Variants in MPDZ observed in about 807,000 individuals in gnomAD.
The protein encoded by MPDZ is multiple PDZ domain crumbs cell polarity complex component.
MPDZ carries 234 observed loss-of-function variants against 239.1 expected under a neutral mutation model. The ratio of observed to expected loss-of-function variants is 0.98; its 90% CI spans 0.88 to 1.09. The LOEUF is 1.09. Ranked by LOEUF, MPDZ falls within the 50% of genes least tolerant of loss-of-function variation. The pLI is 0.00. For synonymous variants in MPDZ, 1,048 were observed against 881.3 expected (o/e 1.19, Z -3.35); for missense variants, 3,175 against 2,510.0 (o/e 1.26, Z -5.66).
chr9:13,147,221 C>A (rs1251315725), intron 26 of MPDZ, among the ~76,000 whole-genome samples: 2 of 151,940 alleles, frequency 1.3e-5, no homozygotes, highest in African/African-American at 4.8e-5. Flanking sequence ...AGATGATTAA[C>A]CTGAATTATG....
At chr9:13,216,450 G>A (rs1030068632) in intron 10 of MPDZ, among the ~76,000 whole-genome samples, 1 of 149,342 alleles carries the variant, frequency 6.7e-6, no homozygotes, top group Non-Finnish European at 1.5e-5. Flanking sequence ...CTGGACATCT[G>A]GTCTCTACCT....
At chr9:13,125,650 T>A (rs755103633) in intron 34 of MPDZ, among the ~76,000 whole-genome samples, 1 of 152,176 alleles carries the variant, frequency 6.6e-6, no homozygotes, top group Non-Finnish European at 1.5e-5. Flanking sequence ...TTTTCTTATA[T>A]AAGACTTTCA....
At chr9:13,181,205 G>C (rs769914876) in intron 19 of MPDZ, among the ~76,000 whole-genome samples, 25 of 152,130 alleles carry the variant, frequency 1.6e-4, no homozygotes, top group Non-Finnish European at 3.4e-4. Flanking sequence ...TTCAAATCAA[G>C]ATAGAGGCAT....
At chr9:13,170,783 G>A (rs977326401) in intron 21 of MPDZ, among the ~76,000 whole-genome samples, 1 of 152,234 alleles carries the variant, frequency 6.6e-6, no homozygotes, top group South Asian at 2.1e-4. Context: ...CAGCTATTAA[G>A]GCTGTCAGGT....
intron 12 of MPDZ, among the ~76,000 whole-genome samples, chr9:13,200,468 GGGTTT>G (rs946845294): frequency 6.6e-6 from 1 of 151,510 alleles, no homozygotes; most frequent in Non-Finnish European, 1.5e-5. Flanking sequence ...CTGCTCCTTC[GGGTTT>G]GGTTTGTTCT....
At chr9:13,221,231 C>T (rs1445346117) in intron 7 of MPDZ, 141 bp downstream of exon 7, 8 of 819,706 alleles carry the variant, frequency 9.8e-6, no homozygotes, top group Non-Finnish European at 1.2e-5. Context: ...ATTTTAGGGA[C>T]ACTCAATAAA....
chr9:13,108,869 G>A, intron 46 of MPDZ, 67 bp downstream of exon 46: 1 of 1,527,042 alleles, frequency 6.5e-7, no homozygotes, highest in Non-Finnish European at 8.9e-7. Context: ...AAACTAATAA[G>A]CCAGCTGCTG....
At chr9:13,109,611 G>C (rs1239016192) in intron 45 of MPDZ, among the ~76,000 whole-genome samples, 1 of 152,102 alleles carries the variant, frequency 6.6e-6, no homozygotes, top group East Asian at 1.9e-4. Flanking sequence ...GGCAGTGCGG[G>C]AAATTTTAAA....
intron 12 of MPDZ, among the ~76,000 whole-genome samples, chr9:13,204,120 AAAC>A (rs1956725321): frequency 1.3e-5 from 2 of 152,294 alleles, no homozygotes; most frequent in South Asian, 4.1e-4. Context: ...ATATGTTAAA[AAAC>A]AACAAAGCTT....
chr9:13,112,074 T>C lies in MPDZ; in HGVS notation c.5674A>G (p.Ile1892Val). ...ACTCCAGTTGGGTGCATCATTGCAA[T>C]AAATATAGGCACATCACCAAGTGGG... ...GSPLGDVPIFIAMMHPTGVAA... is the reference protein window; with the variant it reads ...GSPLGDVPIFVAMMHPTGVAA... Residue 1892 changes from isoleucine (I) to valine (V), a missense_variant, in exon 43 of 47, where the codon ATT (isoleucine) becomes GTT (valine). Coordinates refer to ENST00000319217, the MANE Select transcript of MPDZ (RefSeq NM_001378778.1). 1 of 1,613,724 alleles carries C rather than the reference T, an allele frequency of 6.2e-7. No individual in the cohort carries two copies. Among genetic ancestry groups the C allele is most frequent in the Non-Finnish European group, 8.5e-7 (1 of 1,179,692 alleles).
At chr9:13,158,666 C>T (rs764315216) in intron 23 of MPDZ, among the ~76,000 whole-genome samples, 2 of 152,124 alleles carry the variant, frequency 1.3e-5, no homozygotes, top group Non-Finnish European at 2.9e-5. Flanking sequence ...AGGAACCTGG[C>T]ACAGAATACT....
At chr9:13,189,611 A>G (rs1954623303) in intron 16 of MPDZ, among the ~76,000 whole-genome samples, 1 of 152,192 alleles carries the variant, frequency 6.6e-6, no homozygotes, top group Admixed American at 6.6e-5. Context: ...TCTATCAGAC[A>G]GGCTTTACCA....
chr9:13,217,098 T>G, intron 9 of MPDZ, 82 bp downstream of exon 9: 1 of 1,012,660 alleles, frequency 9.9e-7, no homozygotes, highest in East Asian at 2.6e-5. Context: ...CTGAAACATG[T>G]AATATCAACT....
chr9:13,132,808 T>C (rs1946201360), intron 32 of MPDZ, among the ~76,000 whole-genome samples: 1 of 152,166 alleles, frequency 6.6e-6, no homozygotes, highest in Admixed American at 6.6e-5. Context: ...CACAGTCTCA[T>C]AGATAGTGAG....
In MPDZ at chr9:13,123,300, T is replaced by G. The variant is rs148188750; in HGVS notation, c.4808-2A>C. On this transcript the variant is annotated splice_acceptor_variant, in intron 35 of 46. Transcript: ENST00000319217. LOFTEE classifies it high-confidence loss of function. ...CTGGTGTTGATGATCTGCTTGTATC[T>G]AAAAATAAGTTAAAAATGAAATACA... The G allele has an allele frequency of 6.3e-7, 1 of 1,597,402 alleles. No individual in the cohort carries two copies. The highest frequency in any genetic ancestry group is 8.5e-7 in the Non-Finnish European group (1 of 1,171,584).
At chr9:13,209,353 C>T (rs993047013) in intron 10 of MPDZ, among the ~76,000 whole-genome samples, 13 of 152,136 alleles carry the variant, frequency 8.5e-5, no homozygotes, top group Middle Eastern at 3.2e-3. Context: ...CAAAAACAGG[C>T]AAAATCCCCC....
rs1224843133 is a variant in MPDZ, at chr9:13,205,992, C to A, written c.1398G>T (p.Gln466His). The A allele has an allele frequency of 3.7e-6, 6 of 1,612,112 alleles. No individual in the cohort carries two copies. Among genetic ancestry groups the A allele is most frequent in the Non-Finnish European group, 5.1e-6 (6 of 1,179,198 alleles). ...LLTLMRRGMKQEAELMSREDV... is the reference protein window; with the variant it reads ...LLTLMRRGMKHEAELMSREDV... The stretch of plus-strand genomic sequence containing the variant: ...CTTCCCTTGACATGAGCTCGGCTTC[C>A]TGCTTCATTCCTCTCCTCATTAGTG... Residue 466 changes from glutamine to histidine, a missense_variant, in exon 11 of 47, where the codon CAG (glutamine) becomes CAT (histidine). Coordinates refer to ENST00000319217, the MANE Select transcript of MPDZ (RefSeq NM_001378778.1).
chr9:13,219,834 GAGAAGGGATTAATTTT>G, intron 7 of MPDZ, 66 bp from the exon 8 acceptor site: 1 of 1,469,994 alleles, frequency 6.8e-7, no homozygotes, highest in South Asian at 1.2e-5. Context: ...AATCCTAAAT[GAGAAGGGATTAATTTT>G]AGAAAAGCAA....
At chr9:13,135,975 G>A in intron 31 of MPDZ, 117 bp downstream of exon 31, 1 of 678,986 alleles carries the variant, frequency 1.5e-6, no homozygotes, top group South Asian at 2.0e-5. Context: ...TGAAGGCCAA[G>A]GCTATAACTT....
Sources: gnomAD v4.1 joint callset for allele counts (sites outside exome capture counted in the v4.1 genomes callset) on GRCh38, gnomAD v4.1.1 for gene constraint, MANE v1.5 for transcripts, NCBI Gene and HGNC (gene_info 2026-07-23, HGNC 2026-07-21) for gene names.